Variants in ADAM19 observed in about 807,000 individuals in gnomAD.
ADAM19 encodes the protein ADAM metallopeptidase domain 19.
Under a neutral mutation model 114.7 loss-of-function variants are expected in ADAM19, and 65 were observed. That is an observed-to-expected ratio of 0.57 (90% CI 0.46 to 0.70). The LOEUF (loss-of-function observed/expected upper bound fraction) is 0.70, where lower values mean the gene tolerates loss of function less well. ADAM19 is among the 30% of genes least tolerant of loss of function. The probability of loss-of-function intolerance (pLI) is 0.00; values close to 1 mark genes in which losing one functional copy is unlikely to be tolerated. For missense variants in ADAM19, 1,063 were observed against 1,204.7 expected, an observed-to-expected ratio of 0.88 and a Z score of 1.74; for synonymous variants, 466 against 460.5, an observed-to-expected ratio of 1.01 and a Z score of -0.15.
At chr5:157,568,424 T>C (rs1046780663) in intron 2 of ADAM19, 1 of 152,226 alleles carries the variant, frequency 6.6e-6, no homozygotes, top group East Asian at 1.9e-4. Context: ...TAAGGATCTA[T>C]GAAGCTTTTC....
intron 21 of ADAM19, among the ~76,000 whole-genome samples, chr5:157,485,894 G>A (rs1426933411): frequency 6.6e-6 from 1 of 152,190 alleles, no homozygotes; most frequent in Non-Finnish European, 1.5e-5. Context: ...ACATATCACT[G>A]TTGCAGTGAC....
At chr5:157,482,791 G>C (rs1310950953) in intron 21 of ADAM19, among the ~76,000 whole-genome samples, 2 of 152,132 alleles carry the variant, frequency 1.3e-5, no homozygotes, top group South Asian at 2.1e-4. Flanking sequence ...CAACAGCAAA[G>C]ACTTGGAACC....
intron 12 of ADAM19, among the ~76,000 whole-genome samples, chr5:157,500,079 T>C (rs190770065): frequency 7.2e-5 from 11 of 152,280 alleles, no homozygotes; most frequent in Non-Finnish European, 1.5e-4. Flanking sequence ...GCACCTGGCC[T>C]GGAAACTTTT....
At chr5:157,515,661 A>G (rs1305404284) in intron 7 of ADAM19, among the ~76,000 whole-genome samples, 2 of 152,198 alleles carry the variant, frequency 1.3e-5, no homozygotes, top group Non-Finnish European at 2.9e-5. Context: ...CAGACCCCTG[A>G]TGTAAAGAAA....
In ADAM19 at chr5:157,537,821, A is replaced by C. The variant is rs1402342722; in HGVS notation, c.330+92T>G. 1.3e-5 allele frequency: 15 copies of C among 1,177,410 alleles called. No individual in the cohort carries two copies. In the East Asian group the frequency reaches 3.6e-4, roughly 28 times the overall value. The allele number at this position is 1,177,410 out of a possible 1,614,324, so 72.9% of individuals were successfully genotyped here. A position where few individuals can be genotyped will look rare whatever the true frequency, so the allele number is the denominator to read the frequency against. On this transcript the variant is annotated intron_variant, in intron 4 of 22. Coordinates refer to ENST00000257527, the MANE Select transcript of ADAM19 (RefSeq NM_033274.5). ...TTGGGGGAAACACTCCCTTCAGAGG[A>C]GAGACCAACTCCATCAGGCATCTCC...
chr5:157,540,418 A>G (rs930360458), intron 3 of ADAM19, among the ~76,000 whole-genome samples: 1 of 152,124 alleles, frequency 6.6e-6, no homozygotes, highest in African/African-American at 2.4e-5. Flanking sequence ...CAGAAAATGC[A>G]CTCCTGGTAA....
At chr5:157,564,266 C>A (rs1757590109) in intron 3 of ADAM19, 107 bp downstream of exon 3, 2 of 1,009,768 alleles carry the variant, frequency 2.0e-6, no homozygotes, top group Non-Finnish European at 1.6e-6. Flanking sequence ...GGACTGAGAG[C>A]TTGGGGTCAC....
chr5:157,554,392 G>A (rs1757308210), intron 3 of ADAM19, among the ~76,000 whole-genome samples: 4 of 152,262 alleles, frequency 2.6e-5, no homozygotes, highest in Admixed American at 1.3e-4. Context: ...TGCACAGGCA[G>A]CCCTGGCTGC....
At chr5:157,544,154 C>T (rs536066706) in intron 3 of ADAM19, among the ~76,000 whole-genome samples, 18 of 152,222 alleles carry the variant, frequency 1.2e-4, no homozygotes, top group African/African-American at 4.1e-4. Context: ...GAGGTTGCTC[C>T]TAGAGTAAAA....
At chr5:157,486,927 A>G (rs1411757821) in intron 21 of ADAM19, among the ~76,000 whole-genome samples, 1 of 139,430 alleles carries the variant, frequency 7.2e-6, no homozygotes, top group Non-Finnish European at 1.6e-5. Flanking sequence ...TCCTCATAAG[A>G]AGAGGAGAGT....
intron 4 of ADAM19, among the ~76,000 whole-genome samples, chr5:157,536,719 A>G (rs1420233572): frequency 6.6e-6 from 1 of 152,210 alleles, no homozygotes; most frequent in African/African-American, 2.4e-5. Context: ...AATGACTGAT[A>G]GTGGCCAGTG....
chr5:157,569,437 T>TTG (rs1757765354), intron 2 of ADAM19, among the ~76,000 whole-genome samples: 1 of 145,976 alleles, frequency 6.9e-6, no homozygotes, highest in African/African-American at 2.6e-5. Flanking sequence ...TTTTTTTTTT[T>TTG]TGTAGAGATA....
At chr5:157,539,876 A>G (rs537274556) in intron 3 of ADAM19, among the ~76,000 whole-genome samples, 3 of 152,324 alleles carry the variant, frequency 2.0e-5, no homozygotes, top group Admixed American at 2.0e-4. Context: ...CAATGAGAAA[A>G]CCACTTAACT....
chr5:157,526,123 G>C (rs1756445342), intron 5 of ADAM19, among the ~76,000 whole-genome samples: 1 of 151,488 alleles, frequency 6.6e-6, no homozygotes, highest in South Asian at 2.1e-4. Context: ...TGTATGCATA[G>C]GGTGATCTCA....
intron 3 of ADAM19, among the ~76,000 whole-genome samples, chr5:157,550,170 G>A (rs546242804): frequency 3.3e-5 from 5 of 152,278 alleles, no homozygotes; most frequent in African/African-American, 9.6e-5. Flanking sequence ...CTTAAAAATC[G>A]GAAGTTTATG....
At position 157,506,846 on chromosome 5, in the gene ADAM19, T is replaced by G. The variant is rs141898891; in HGVS notation, c.990+210A>C. ...TCTTCAGGGTTCCTGAGCTTGAAGA[T>G]ACGGAATGAACTATAATAAATGAAA... On this transcript the variant is annotated intron_variant, in intron 10 of 22. Coordinates refer to ENST00000257527, the MANE Select transcript of ADAM19 (RefSeq NM_033274.5). Among the ~76,000 whole-genome samples, 39 of 152,342 alleles carry G rather than the reference T, an allele frequency of 2.6e-4. 1 individual carries two copies. In the East Asian group the frequency reaches 7.3e-3, roughly 29 times the overall value.
intron 5 of ADAM19, among the ~76,000 whole-genome samples, chr5:157,527,687 T>C (rs1756512514): frequency 6.6e-6 from 1 of 152,148 alleles, no homozygotes; most frequent in Non-Finnish European, 1.5e-5. Context: ...CCATATCAAT[T>C]ACATATCTAC....
chr5:157,534,521 G>A (rs1756711616), intron 4 of ADAM19, among the ~76,000 whole-genome samples: 1 of 152,146 alleles, frequency 6.6e-6, no homozygotes, highest in Admixed American at 6.5e-5. Flanking sequence ...AACCAGGCAT[G>A]GCGGCTCATG....
At chr5:157,506,112 T>G (rs909014215) in intron 10 of ADAM19, among the ~76,000 whole-genome samples, 3 of 152,218 alleles carry the variant, frequency 2.0e-5, no homozygotes, top group African/African-American at 7.2e-5. Flanking sequence ...TTTTCCCCAT[T>G]CTTCTTCTGA....
Sources: allele counts gnomAD v4.1 joint callset (sites outside exome capture counted in the v4.1 genomes callset), GRCh38; gene constraint gnomAD v4.1.1; transcripts MANE v1.5; gene names NCBI Gene and HGNC (gene_info 2026-07-23, HGNC 2026-07-21).